Variants in TNIK observed in about 807,000 individuals in gnomAD.
The protein encoded by TNIK is TRAF2 and NCK-interacting protein kinase.
Under a neutral mutation model 191.3 loss-of-function variants are expected in TNIK, and 49 were observed. That is an observed-to-expected ratio of 0.26 (90% CI 0.20 to 0.32). The LOEUF (loss-of-function observed/expected upper bound fraction) is 0.32, where lower values mean the gene tolerates loss of function less well. Ranked by LOEUF, TNIK falls within the 10% of genes least tolerant of loss-of-function variation. The pLI, the probability that TNIK is intolerant of heterozygous loss-of-function variation, is 1.00. For missense variants in TNIK, 1,155 were observed against 1,702.3 expected (o/e 0.68, Z 5.66); for synonymous variants, 594 against 600.9 (o/e 0.99, Z 0.17).
intron 22 of TNIK, among the ~76,000 whole-genome samples, chr3:171,098,746 A>C (rs990940869): frequency 6.6e-6 from 1 of 152,198 alleles, no homozygotes; most frequent in African/African-American, 2.4e-5. Flanking sequence ...AGGTAATAAG[A>C]ATGTATATAA....
chr3:171,229,540 G>A (rs1743358213), intron 2 of TNIK, among the ~76,000 whole-genome samples: 1 of 152,272 alleles, frequency 6.6e-6, no homozygotes, highest in African/African-American at 2.4e-5. Context: ...GAAAACATTA[G>A]TGGGTCAATT....
At chr3:171,082,419 G>A in intron 26 of TNIK, 25 bp from the exon 27 acceptor site, 1 of 1,604,866 alleles carries the variant, frequency 6.2e-7, no homozygotes, top group African/African-American at 1.3e-5. Context: ...AGCACCCTAA[G>A]ACTGACTTTT....
At chr3:171,429,130 C>T (rs1352838275) in intron 1 of TNIK, among the ~76,000 whole-genome samples, 1 of 152,176 alleles carries the variant, frequency 6.6e-6, no homozygotes, top group Non-Finnish European at 1.5e-5. Context: ...GTCATCCTGC[C>T]CTACGAAGTT....
intron 1 of TNIK, among the ~76,000 whole-genome samples, chr3:171,403,626 A>AAG (rs1721266873): frequency 6.6e-6 from 1 of 151,306 alleles, no homozygotes; most frequent in African/African-American, 2.4e-5. Flanking sequence ...AAAAAAAAAA[A>AAG]AAAAAAAGAA....
At position 171,460,246 on chromosome 3, in the gene TNIK, C is replaced by A. The variant is rs1038221766; in HGVS notation, c.-183G>T. 6.7e-6 allele frequency: 5 copies of A among 748,876 alleles called. No homozygotes were observed. In the Admixed American group the frequency reaches 7.5e-5, roughly 11 times the overall value. The allele number at this position is 748,876 out of a possible 1,614,324, so 46.4% of individuals were successfully genotyped here. Reference sequence around the variant, plus strand: ...CCCGATCCTCCGCGCGTCGGTCCGCCGGGTCCGGGAGCCCAGCCTGCGCGG... The same window carrying A: ...CCCGATCCTCCGCGCGTCGGTCCGCAGGGTCCGGGAGCCCAGCCTGCGCGG... On this transcript the variant is annotated 5_prime_UTR_variant, in exon 1 of 33. Coordinates refer to ENST00000436636, the MANE Select transcript of TNIK (RefSeq NM_015028.4). This position sits in a 1 kb window ranked among gnomAD's most constrained non-coding sequence, Gnocchi z 6.8.
At chr3:171,100,988 A>G (rs1418552324) in intron 22 of TNIK, among the ~76,000 whole-genome samples, 2 of 152,016 alleles carry the variant, frequency 1.3e-5, no homozygotes, top group Admixed American at 6.6e-5. Flanking sequence ...TTTTGCTGGG[A>G]TGGTAACGCA....
chr3:171,294,355 T>C (rs1268226025), intron 2 of TNIK, among the ~76,000 whole-genome samples: 2 of 151,860 alleles, frequency 1.3e-5, no homozygotes, highest in African/African-American at 2.4e-5. Flanking sequence ...GCTGAGGACA[T>C]CAAGGCTGCA....
chr3:171,249,468 G>A (rs982213269), intron 2 of TNIK, among the ~76,000 whole-genome samples: 3 of 152,188 alleles, frequency 2.0e-5, no homozygotes, highest in Non-Finnish European at 4.4e-5. Flanking sequence ...AACTTAAGGG[G>A]GCTGGAGGGA....
chr3:171,332,992 A>G (rs1011817448), intron 2 of TNIK, among the ~76,000 whole-genome samples: 5 of 152,218 alleles, frequency 3.3e-5, no homozygotes, highest in Non-Finnish European at 1.5e-5. Flanking sequence ...TGTGATATAC[A>G]GTGAGTGCCA....
chr3:171,178,160 C>T lies in TNIK; in HGVS notation c.640-780G>A, dbSNP rs142411399. Among the ~76,000 whole-genome samples the T allele has an allele frequency of 4.1e-3, 629 of 152,204 alleles. 2 individuals are homozygous for T. The highest frequency in any genetic ancestry group is 0.041 in the Middle Eastern group (12 of 294). On this transcript the variant is annotated intron_variant, in intron 7 of 32. Transcript: ENST00000436636. ...TGCTGCAAACATTGGTGTACAAATCCGAGGGTGTATGCTTTTATTTCTTTT... is the reference window on the plus strand; with the variant it reads ...TGCTGCAAACATTGGTGTACAAATCTGAGGGTGTATGCTTTTATTTCTTTT...
At chr3:171,300,507 T>C (rs959330936) in intron 2 of TNIK, among the ~76,000 whole-genome samples, 1 of 152,172 alleles carries the variant, frequency 6.6e-6, no homozygotes, top group Non-Finnish European at 1.5e-5. Flanking sequence ...AATATGCTGT[T>C]TTAAAGATGA....
chr3:171,283,754 G>C (rs7611362), intron 2 of TNIK, among the ~76,000 whole-genome samples: 9,129 of 152,238 alleles, frequency 0.06, 323 homozygotes, highest in Middle Eastern at 0.12. Context: ...CCAGGAACTG[G>C]TTCCTAGAGA....
At chr3:171,319,779 A>G (rs942575134) in intron 2 of TNIK, among the ~76,000 whole-genome samples, 1 of 152,176 alleles carries the variant, frequency 6.6e-6, no homozygotes, top group Non-Finnish European at 1.5e-5. Context: ...TGCCCTGAAG[A>G]GACTGAGGTA....
At chr3:171,441,252 T>A (rs1352377028) in intron 1 of TNIK, among the ~76,000 whole-genome samples, 1 of 152,194 alleles carries the variant, frequency 6.6e-6, no homozygotes, top group African/African-American at 2.4e-5. Context: ...GTTACCACCA[T>A]CCAATATTGA....
chr3:171,149,626 A>G (rs989542160), intron 12 of TNIK, among the ~76,000 whole-genome samples: 3 of 152,150 alleles, frequency 2.0e-5, no homozygotes, highest in African/African-American at 7.2e-5. Flanking sequence ...ATCCATGCAG[A>G]TGACACGGCT....
At chr3:171,259,477 G>A (rs1235962048) in intron 2 of TNIK, among the ~76,000 whole-genome samples, 1 of 152,182 alleles carries the variant, frequency 6.6e-6, no homozygotes, top group Non-Finnish European at 1.5e-5. Context: ...GATATGAGGA[G>A]CCTCTAACAC....
chr3:171,084,884 C>T (rs1721140690), intron 25 of TNIK, among the ~76,000 whole-genome samples: 1 of 152,056 alleles, frequency 6.6e-6, no homozygotes, highest in Non-Finnish European at 1.5e-5. Context: ...CCTAGGGTCC[C>T]TATGTACCCC....
At chr3:171,257,840 G>C (rs1289174530) in intron 2 of TNIK, among the ~76,000 whole-genome samples, 1 of 152,156 alleles carries the variant, frequency 6.6e-6, no homozygotes, top group Admixed American at 6.6e-5. Flanking sequence ...CGTGGGGATG[G>C]AATTCCACAC....
intron 12 of TNIK, among the ~76,000 whole-genome samples, chr3:171,152,442 C>T (rs571985237): frequency 3.9e-5 from 6 of 152,216 alleles, no homozygotes; most frequent in Non-Finnish European, 8.8e-5. Flanking sequence ...GACCAGTCCT[C>T]AAAAGTAAGG....
Sources: allele counts gnomAD v4.1 joint callset (sites outside exome capture counted in the v4.1 genomes callset), GRCh38; gene constraint gnomAD v4.1.1; non-coding constraint Gnocchi (gnomAD v3.1); transcripts MANE v1.5; gene names NCBI Gene and HGNC (gene_info 2026-07-23, HGNC 2026-07-21).